MYO7A: variants seen among roughly 807,000 people sequenced by gnomAD.
MYO7A encodes the protein unconventional myosin-VIIa.
Under a neutral mutation model 263.8 loss-of-function variants are expected in MYO7A, and 210 were observed. The observed-to-expected ratio is 0.80, with a 90% CI of 0.71 to 0.89. MYO7A has a LOEUF of 0.89. Ranked by LOEUF, MYO7A falls within the 40% of genes least tolerant of loss-of-function variation. The pLI, the probability that MYO7A is intolerant of heterozygous loss-of-function variation, is 0.00. For missense variants in MYO7A, 2,820 were observed against 2,968.3 expected (o/e 0.95, Z 1.16); for synonymous variants, 1,239 against 1,197.3 (o/e 1.03, Z -0.72).
chr11:77,140,573 G>A (rs1178635502), intron 2 of MYO7A, among the ~76,000 whole-genome samples: 1 of 152,216 alleles, frequency 6.6e-6, no homozygotes, highest in Non-Finnish European at 1.5e-5. Context: ...GCTGGGCTCT[G>A]GGGAGCCACA....
intron 4 of MYO7A, among the ~76,000 whole-genome samples, chr11:77,148,759 CTATTA>C (rs1162373962): frequency 3.9e-5 from 6 of 152,126 alleles, no homozygotes; most frequent in Admixed American, 2.6e-4. Flanking sequence ...CATAATAAAT[CTATTA>C]TAAGATAATA....
At chr11:77,196,089 C>A (rs1956641017) in intron 32 of MYO7A, among the ~76,000 whole-genome samples, 1 of 152,240 alleles carries the variant, frequency 6.6e-6, no homozygotes, top group Non-Finnish European at 1.5e-5. Context: ...TATCTCTGGG[C>A]CAGGCGCGGT....
In MYO7A at chr11:77,142,691, A is replaced by G; in HGVS notation, c.19-18A>G. On this transcript the variant is annotated intron_variant, in intron 2 of 48. Transcript: ENST00000409709. ...CCCCTCCCTGCTCACCTGGGCTGAG[A>G]CTCTCTCTCGCCCATAGGGGGACCA... 1 of 1,590,100 alleles carries G rather than the reference A, an allele frequency of 6.3e-7. No individual in the cohort carries two copies. Among genetic ancestry groups the G allele is most frequent in the Non-Finnish European group, 8.6e-7 (1 of 1,165,426 alleles).
chr11:77,139,421 C>G (rs993205812), intron 2 of MYO7A: 4 of 152,214 alleles, frequency 2.6e-5, no homozygotes, highest in South Asian at 2.1e-4. Flanking sequence ...GGGACTTGCC[C>G]CACGTTACAC....
At chr11:77,209,863 C>A (rs1957744051) in intron 44 of MYO7A, among the ~76,000 whole-genome samples, 1 of 152,114 alleles carries the variant, frequency 6.6e-6, no homozygotes, top group South Asian at 2.1e-4. Flanking sequence ...GGCATAACCC[C>A]CGTCCTGGCC....
At chr11:77,212,917 G>A (rs1328820370) in intron 46 of MYO7A, 35 bp from the exon 47 acceptor site, 1 of 1,484,626 alleles carries the variant, frequency 6.7e-7, no homozygotes, top group East Asian at 2.4e-5. Context: ...CTTGCTCTGG[G>A]CCCCCATCTG....
chr11:77,181,767 G>GTTTT (rs10522799), intron 23 of MYO7A, among the ~76,000 whole-genome samples, 178 bp downstream of exon 23: 1 of 138,236 alleles, frequency 7.2e-6, no homozygotes, highest in Non-Finnish European at 1.6e-5. Context: ...CCCTTCTCAA[G>GTTTT]TTTTTTTTTT....
intron 17 of MYO7A, 27 bp from the exon 18 acceptor site, chr11:77,175,345 C>T (rs1555079384): frequency 6.2e-7 from 1 of 1,608,484 alleles, no homozygotes; most frequent in African/African-American, 1.3e-5. Context: ...GCTGTCCATT[C>T]CCTTGTGTTC....
intron 23 of MYO7A, 32 bp downstream of exon 23, chr11:77,181,621 C>CCA (rs1336676076): frequency 1.9e-6 from 3 of 1,591,842 alleles, no homozygotes; most frequent in Non-Finnish European, 2.6e-6. Context: ...CTCCAGAGGC[C>CCA]CACACACACC....
At chr11:77,211,416 C>A in intron 45 of MYO7A, 79 bp downstream of exon 45, 1 of 1,428,334 alleles carries the variant, frequency 7.0e-7, no homozygotes, top group Non-Finnish European at 9.4e-7. Context: ...GGGGCAGACA[C>A]TGGCCAGCAG....
intron 12 of MYO7A, 43 bp from the exon 13 acceptor site, chr11:77,162,077 G>A (rs1211630727): frequency 2.0e-6 from 3 of 1,535,352 alleles, no homozygotes; most frequent in East Asian, 2.4e-5. Flanking sequence ...ACAGCATGGT[G>A]GGGCCTGAAC....
At position 77,203,364 on chromosome 11, in the gene MYO7A, A is replaced by G. The variant is rs186332628; in HGVS notation, c.5326+147A>G. ...TACCCCCTCCCTTGCACCTTTTGAT[A>G]TGCAAGGGGCTGCCTCGCCCACTGT... On this transcript the variant is annotated intron_variant, in intron 38 of 48. Transcript: ENST00000409709. 5 of 929,264 alleles carry G rather than the reference A, an allele frequency of 5.4e-6. No individual in the cohort carries two copies. In the East Asian group the frequency reaches 1.3e-4, roughly 25 times the overall value. The allele number at this position is 929,264 out of a possible 1,614,324, so 57.6% of individuals were successfully genotyped here.
At chr11:77,187,475 A>G (rs1555089052) in intron 27 of MYO7A, among the ~76,000 whole-genome samples, 1 of 152,212 alleles carries the variant, frequency 6.6e-6, no homozygotes, top group Non-Finnish European at 1.5e-5. Flanking sequence ...AGCTTTGATC[A>G]TCATCATCCA....
intron 2 of MYO7A, among the ~76,000 whole-genome samples, chr11:77,133,842 AT>A (rs138010106): frequency 6.6e-6 from 1 of 151,986 alleles, no homozygotes; most frequent in African/African-American, 2.4e-5. Flanking sequence ...TTTAATTGAC[AT>A]TTTTTTCTAA....
At chr11:77,147,707 T>C (rs569602956) in intron 3 of MYO7A, 91 bp from the exon 4 acceptor site, 1 of 1,533,796 alleles carries the variant, frequency 6.5e-7, no homozygotes, top group African/African-American at 1.4e-5. Context: ...GGGTTGGCAC[T>C]CACCCCGCGC....
At chr11:77,157,071 A>C (rs1591271305) in intron 7 of MYO7A, 67 bp downstream of exon 7, 4 of 1,568,426 alleles carry the variant, frequency 2.6e-6, no homozygotes, top group Non-Finnish European at 3.5e-6. Flanking sequence ...TGCGTGGCCC[A>C]CCTGCCCGTA....
rs780609120 is a variant in MYO7A, at chr11:77,207,295, G to T, written c.5749G>T (p.Glu1917Ter). 1.9e-6 allele frequency: 3 copies of T among 1,609,906 alleles called. No homozygotes were observed. Among genetic ancestry groups the T allele is most frequent in the Non-Finnish European group, 2.5e-6 (3 of 1,178,062 alleles). Residue 1917 changes from glutamate to a stop codon, truncating the protein, a stop_gained, in exon 42 of 49, where the codon GAA becomes TAA. Transcript: ENST00000409709. LOFTEE classifies it high-confidence loss of function. ...YFPDDTDEAF[E>*]VESSTKAKDF... ...TGCTCACTGCCCCTCCCAGGCCTTCGAAGTGGAGTCCAGCACCAAGGCCAA... is the reference window on the plus strand; with the variant it reads ...TGCTCACTGCCCCTCCCAGGCCTTCTAAGTGGAGTCCAGCACCAAGGCCAA...
intron 43 of MYO7A, 41 bp downstream of exon 43, chr11:77,208,558 A>AG: frequency 6.3e-7 from 1 of 1,586,516 alleles, no homozygotes; most frequent in Non-Finnish European, 8.6e-7. Flanking sequence ...GGCCCAGAGC[A>AG]GGGAAGTGTG....
rs542365313 is a variant in MYO7A at position 77,131,940 on chromosome 11, C to T, written c.18+1288C>T. Among the ~76,000 whole-genome samples the T allele has an allele frequency of 2.6e-4, 39 of 152,326 alleles. No homozygotes were observed. In the South Asian group the frequency reaches 2.9e-3, roughly 11 times the overall value. ...TTGATGAGTGGGAGGGCCTTGGGCA[C>T]GTTACTCAGCCTTCCTGAGCCTCAG... On this transcript the variant is annotated intron_variant, in intron 2 of 48. Coordinates refer to ENST00000409709, the MANE Select transcript of MYO7A (RefSeq NM_000260.4).
Sources: allele counts gnomAD v4.1 joint callset (sites outside exome capture counted in the v4.1 genomes callset), GRCh38; gene constraint gnomAD v4.1.1; transcripts MANE v1.5; gene names NCBI Gene and HGNC (gene_info 2026-07-23, HGNC 2026-07-21).